Variants in LIMS4 observed in about 807,000 individuals in gnomAD.
LIMS4 encodes LIM and senescent cell antigen-like-containing domain protein 4.
the LIMS4 span, among the ~76,000 whole-genome samples, chr2:110,381,789 C>CT: frequency 4.6e-5 from 1 of 21,760 alleles, no homozygotes; most frequent in Non-Finnish European, 8.4e-5. Flanking sequence ...ATGTTTGGGC[C>CT]GGGCGCGGTG....
chr2:110,425,174 T>C, the LIMS4 span, among the ~76,000 whole-genome samples: 193 of 143,520 alleles, frequency 1.3e-3, 16 homozygotes, highest in East Asian at 4.8e-3. Context: ...AGAGGATTGT[T>C]CAAGCCCAAG....
chr2:110,443,075 TTAGAAAGGTCTCA>T (rs1688170606), downstream of LIMS4, among the ~76,000 whole-genome samples: 1 of 112,262 alleles, frequency 8.9e-6, no homozygotes, highest in Non-Finnish European at 1.7e-5. Context: ...TTTTTTTTTT[TTAGAAAGGTCTCA>T]CTTTGTCGCC....
chr2:110,362,564 ACTT>A, the LIMS4 span: 3 of 1,453,314 alleles, frequency 2.1e-6, no homozygotes, highest in African/African-American at 4.3e-5. Context: ...GTTGCATGTT[ACTT>A]CGATGCACAC....
the LIMS4 span, among the ~76,000 whole-genome samples, chr2:110,373,684 A>T: frequency 1.3e-5 from 2 of 151,386 alleles, no homozygotes; most frequent in Non-Finnish European, 2.9e-5. Flanking sequence ...ATGGGAGGCT[A>T]GTCCCTTGCT....
At chr2:110,433,291 A>G in the LIMS4 span, 1 of 145,110 alleles carries the variant, frequency 6.9e-6, no homozygotes, top group Non-Finnish European at 1.5e-5. Flanking sequence ...CTACTCTCAT[A>G]CTTTTATTTT....
chr2:110,373,778 G>C, the LIMS4 span, among the ~76,000 whole-genome samples: 1 of 149,108 alleles, frequency 6.7e-6, no homozygotes, highest in South Asian at 2.1e-4. Context: ...CCCTGTGGTG[G>C]GTGATGTCTA....
chr2:110,368,410 ATATGTACATACAAC>A, the LIMS4 span, among the ~76,000 whole-genome samples: 1 of 152,086 alleles, frequency 6.6e-6, no homozygotes, highest in Non-Finnish European at 1.5e-5. Flanking sequence ...ATGTTTTTAT[ATATGTACATACAAC>A]TACTTATATT....
At chr2:110,382,091 A>T in the LIMS4 span, among the ~76,000 whole-genome samples, 3 of 93,634 alleles carry the variant, frequency 3.2e-5, no homozygotes, top group African/African-American at 5.2e-5. Context: ...AAAAAAAAAA[A>T]AAAAAAAATA....
At chr2:110,442,702 G>A (rs2438715), downstream of LIMS4, among the ~76,000 whole-genome samples, 13,841 of 147,732 alleles carry the variant, frequency 0.094, 260 homozygotes, top group African/African-American at 0.25. Flanking sequence ...TGTTGTTGTC[G>A]TTGTTGTTGT....
At chr2:110,411,625 A>G in the LIMS4 span, among the ~76,000 whole-genome samples, 1 of 130,086 alleles carries the variant, frequency 7.7e-6, no homozygotes, top group Non-Finnish European at 1.5e-5. Context: ...TAGAGAAAGG[A>G]AAAAAACACT....
chr2:110,366,944 G>GAC, the LIMS4 span, among the ~76,000 whole-genome samples: 8,081 of 120,838 alleles, frequency 0.067, 90 homozygotes, highest in South Asian at 0.077. Flanking sequence ...ATTCACAATA[G>GAC]ACACACACAC....
At chr2:110,382,006 G>T in the LIMS4 span, among the ~76,000 whole-genome samples, 1 of 69,522 alleles carries the variant, frequency 1.4e-5, no homozygotes, top group Non-Finnish European at 2.3e-5. Context: ...CGCAGAGATT[G>T]CAGTGAGCCA....
the LIMS4 span, chr2:110,359,186 G>C: frequency 1.4e-5 from 2 of 142,860 alleles, no homozygotes; most frequent in South Asian, 2.3e-4. Flanking sequence ...AGTTATGATG[G>C]ATGGAGTGTA....
the LIMS4 span, among the ~76,000 whole-genome samples, chr2:110,408,944 G>GA: frequency 3.0e-3 from 4 of 1,348 alleles, no homozygotes; most frequent in African/African-American, 0.028. Flanking sequence ...TTTAAAAATA[G>GA]AAAAAAGCTT....
the LIMS4 span, among the ~76,000 whole-genome samples, chr2:110,424,963 G>C: frequency 6.9e-6 from 1 of 144,114 alleles, no homozygotes; most frequent in African/African-American, 2.8e-5. Flanking sequence ...GGGAATAAAA[G>C]CTGGCCACCA....
At chr2:110,361,907 T>C in the LIMS4 span, 4 of 1,438,352 alleles carry the variant, frequency 2.8e-6, no homozygotes, top group Non-Finnish European at 3.9e-6. Flanking sequence ...GACTTCACAG[T>C]GAGAACCTTG....
the LIMS4 span, among the ~76,000 whole-genome samples, chr2:110,424,603 C>T: frequency 6.9e-6 from 1 of 144,724 alleles, no homozygotes; most frequent in Non-Finnish European, 1.5e-5. Context: ...TCCCTGTCAC[C>T]TGGCATGAGG....
the LIMS4 span, among the ~76,000 whole-genome samples, chr2:110,425,017 C>G: frequency 2.1e-5 from 3 of 143,564 alleles, 1 homozygote; most frequent in African/African-American, 5.7e-5. Flanking sequence ...GTCAGCTTTG[C>G]GGAAGCTTTA....
At chr2:110,376,117 G>T in the LIMS4 span, 1 of 123,070 alleles carries the variant, frequency 8.1e-6, no homozygotes, top group Non-Finnish European at 1.6e-5. Flanking sequence ...CATCCTCAAA[G>T]CCAGCAACAG....
Sources: gnomAD v4.1 joint callset for allele counts (sites outside exome capture counted in the v4.1 genomes callset) on GRCh38, gnomAD v4.1.1 for gene constraint, MANE v1.5 for transcripts, NCBI Gene and HGNC (gene_info 2026-07-23, HGNC 2026-07-21) for gene names.